Variants in ZC3H4 observed in about 807,000 individuals in gnomAD.
The protein encoded by ZC3H4 is zinc finger CCCH-type containing 4.
ZC3H4 carries 13 observed loss-of-function variants against 108.3 expected under a neutral mutation model. The ratio of observed to expected loss-of-function variants is 0.12; its 90% confidence interval spans 0.08 to 0.19. The LOEUF is 0.19. Ranked by LOEUF, ZC3H4 falls within the 10% of genes least tolerant of loss-of-function variation. The pLI, the probability that ZC3H4 is intolerant of heterozygous loss-of-function variation, is 1.00. For missense variants in ZC3H4, 1,734 were observed against 1,838.8 expected (o/e 0.94, Z 1.04); for synonymous variants, 917 against 749.6 (o/e 1.22, Z -3.65).
At position 47,091,975 on chromosome 19, in the gene ZC3H4, G is replaced by A. The variant is rs899686361; in HGVS notation, c.493-1786C>T. Among the ~76,000 whole-genome samples the A allele has an allele frequency of 7.2e-5, 11 of 151,968 alleles. No individual in the cohort carries two copies. In the East Asian group the frequency reaches 7.8e-4, roughly 11 times the overall value. ...TGCAATCCCCGCACTTTGGGAGGCCGAGGTGGGCAGATCATTTGACCCCAG... is the reference window on the plus strand; with the variant it reads ...TGCAATCCCCGCACTTTGGGAGGCCAAGGTGGGCAGATCATTTGACCCCAG... On this transcript the variant is annotated intron_variant, in intron 4 of 14. Coordinates refer to ENST00000253048, the MANE Select transcript of ZC3H4 (RefSeq NM_015168.2).
chr19:47,091,872 G>A (rs1313977635), intron 4 of ZC3H4, among the ~76,000 whole-genome samples: 1 of 151,766 alleles, frequency 6.6e-6, no homozygotes, highest in East Asian at 1.9e-4. Context: ...CAGCTTGGGC[G>A]ACAGAGCGAG....
At chr19:47,089,556 G>C (rs2057694414) in intron 5 of ZC3H4, among the ~76,000 whole-genome samples, 2 of 152,194 alleles carry the variant, frequency 1.3e-5, no homozygotes, top group African/African-American at 4.8e-5. Context: ...AAAGGACACA[G>C]GTTCAAGGTT....
chr19:47,089,919 C>G (rs1228474215), intron 5 of ZC3H4, 48 bp downstream of exon 5: 2 of 1,604,878 alleles, frequency 1.2e-6, no homozygotes, highest in Non-Finnish European at 1.7e-6. Flanking sequence ...GGGGTTGGCC[C>G]GGGTGGCTCC....
intron 5 of ZC3H4, among the ~76,000 whole-genome samples, chr19:47,087,267 C>G (rs2057645696): frequency 6.7e-6 from 1 of 149,820 alleles, no homozygotes; most frequent in South Asian, 2.1e-4. Flanking sequence ...CAGAGTGAGA[C>G]CCCGTCTCTC....
chr19:47,096,791 GTTGC>G (rs987320133), intron 2 of ZC3H4: 2 of 985,254 alleles, frequency 2.0e-6, no homozygotes, highest in African/African-American at 3.5e-5. Flanking sequence ...TCTGTGCCAG[GTTGC>G]TTGACTACCT....
At position 47,064,296 on chromosome 19, in the gene ZC3H4, G is replaced by A. The variant is rs2057167814; in HGVS notation, c.*2060C>T. 1 of 152,550 alleles carries A rather than the reference G, an allele frequency of 6.6e-6. No homozygotes were observed. Among genetic ancestry groups the A allele is most frequent in the Non-Finnish European group, 1.5e-5 (1 of 68,030 alleles). The allele number at this position is 152,550 out of a possible 1,614,324, so 9.4% of individuals were successfully genotyped here. A position where few individuals can be genotyped will look rare whatever the true frequency, so the allele number is the denominator to read the frequency against. ...GAAGACAGATATGGAGTATAAAAAG[G>A]GTGTGAAATAGTCATGCGGCGATCA... On this transcript the variant is annotated 3_prime_UTR_variant, in exon 15 of 15. Transcript: ENST00000253048.
intron 2 of ZC3H4, among the ~76,000 whole-genome samples, chr19:47,107,298 A>G (rs1159959570): frequency 6.6e-6 from 1 of 152,206 alleles, no homozygotes; most frequent in African/African-American, 2.4e-5. Flanking sequence ...TCTAGTAGGG[A>G]AAGCAGGAAG....
rs1475963374 is a variant in ZC3H4, at chr19:47,082,066, G to GA, written c.1330+117dup. 4 of 887,136 alleles carry GA rather than the reference G, an allele frequency of 4.5e-6. No individual in the cohort carries two copies. In the African/African-American group the frequency reaches 6.6e-5, roughly 15 times the overall value. The allele number at this position is 887,136 out of a possible 1,614,324, so 55.0% of individuals were successfully genotyped here. Reference sequence around the variant, plus strand: ...GTGTTAAATGAGATGGAGACTCACAGAAAGCTCTTGGCACAGAGAGAAAGC... The same window carrying GA: ...GTGTTAAATGAGATGGAGACTCACAGAAAAGCTCTTGGCACAGAGAGAAAGC... On this transcript the variant is annotated intron_variant, in intron 10 of 14. Coordinates refer to ENST00000253048, the MANE Select transcript of ZC3H4 (RefSeq NM_015168.2).
intron 2 of ZC3H4, chr19:47,112,039 C>A: frequency 1.2e-6 from 1 of 834,776 alleles, no homozygotes; most frequent in Non-Finnish European, 1.4e-6. Flanking sequence ...CTGCCAGCTC[C>A]GGGCGCAGGG....
At chr19:47,071,003 C>T (rs989095469) in intron 13 of ZC3H4, among the ~76,000 whole-genome samples, 2 of 152,228 alleles carry the variant, frequency 1.3e-5, no homozygotes, top group South Asian at 4.1e-4. Flanking sequence ...CGCCCCCACC[C>T]GCTGCCCTCG....
Position 47,072,636 on chromosome 19 carries a change from G to A in ZC3H4, c.1518C>T (p.Pro506=). Residue 506 remains proline, a synonymous_variant, in exon 12 of 15, where the codon CCC becomes CCT. Coordinates refer to ENST00000253048, the MANE Select transcript of ZC3H4 (RefSeq NM_015168.2). This position sits in a 1 kb window ranked among gnomAD's most constrained non-coding sequence, Gnocchi z 5.6. ...VEELKKQGIN[P]LPKPPPGVGL... ...CCACACCAGGGGGCGGTTTGGGCAG[G>A]GGGTTGATGCCCTGCTTCTTCAGTT... The A allele has an allele frequency of 6.2e-7, 1 of 1,612,990 alleles. No individual in the cohort carries two copies. Among genetic ancestry groups the A allele is most frequent in the South Asian group, 1.1e-5 (1 of 91,040 alleles).
rs1359024063 is a variant in ZC3H4, at chr19:47,112,644, G to C, written c.-5-55C>G. The C allele has an allele frequency of 2.5e-6, 3 of 1,191,790 alleles. No individual in the cohort carries two copies. In the East Asian group the frequency reaches 9.5e-5, roughly 38 times the overall value. 73.8% of individuals were successfully genotyped at this position (1,191,790 alleles called of 1,614,324 possible). On this transcript the variant is annotated intron_variant, in intron 1 of 14. Coordinates refer to ENST00000253048, the MANE Select transcript of ZC3H4 (RefSeq NM_015168.2). ...AAAAAGGACTGCTTGGGCGTGGCGGGAGGGGCACACTTAAGCTCGGAGGGC... is the reference window on the plus strand; with the variant it reads ...AAAAAGGACTGCTTGGGCGTGGCGGCAGGGGCACACTTAAGCTCGGAGGGC...
At chr19:47,096,977 C>A in intron 2 of ZC3H4, 1 of 985,386 alleles carries the variant, frequency 1.0e-6, no homozygotes. Flanking sequence ...CCTTCCCTGT[C>A]CTGATGCCAC....
intron 2 of ZC3H4, among the ~76,000 whole-genome samples, chr19:47,108,798 A>G (rs2057999325): frequency 6.6e-6 from 1 of 152,236 alleles, no homozygotes; most frequent in Non-Finnish European, 1.5e-5. Context: ...AGAGCAGAGC[A>G]AAATTGTACC....
chr19:47,067,862 G>T lies in ZC3H4; in HGVS notation c.2406C>A (p.Thr802=). The T allele has an allele frequency of 6.3e-7, 1 of 1,589,496 alleles. No homozygotes were observed. Among genetic ancestry groups the T allele is most frequent in the South Asian group, 1.1e-5 (1 of 87,856 alleles). The change falls in exon 15 of 15, where the codon ACC becomes ACA. Residue 802 remains threonine, a synonymous_variant. Coordinates refer to ENST00000253048, the MANE Select transcript of ZC3H4 (RefSeq NM_015168.2). This position sits in a 1 kb window ranked among gnomAD's most constrained non-coding sequence, Gnocchi z 6.4. The part of the protein sequence containing the change: ...KQDRENEEGD[T]GNWYSSDEDE... ...CCTCATCACTTGAGTACCAGTTTCC[G>T]GTGTCACCTGGGAAAGAACAGAGGA...
At chr19:47,091,172 T>A (rs1158081703) in intron 4 of ZC3H4, among the ~76,000 whole-genome samples, 2 of 152,110 alleles carry the variant, frequency 1.3e-5, no homozygotes, top group African/African-American at 4.8e-5. Flanking sequence ...CTTGAGAGGC[T>A]GAGGCAGGAG....
chr19:47,087,339 T>C (rs561057211), intron 5 of ZC3H4, among the ~76,000 whole-genome samples: 170 of 152,248 alleles, frequency 1.1e-3, no homozygotes, highest in Non-Finnish European at 1.1e-3. Context: ...ATATCTCATT[T>C]GTCTAATTTG....
At chr19:47,087,385 T>C (rs2057649945) in intron 5 of ZC3H4, among the ~76,000 whole-genome samples, 1 of 151,958 alleles carries the variant, frequency 6.6e-6, no homozygotes, top group South Asian at 2.1e-4. Flanking sequence ...ACATATTAGG[T>C]TGAAAACAGA....
intron 11 of ZC3H4, among the ~76,000 whole-genome samples, chr19:47,079,076 C>A (rs924388891): frequency 3.4e-5 from 5 of 148,238 alleles, no homozygotes; most frequent in Admixed American, 6.7e-5. Flanking sequence ...GTTGCCCAGG[C>A]TGGAGTGCAA....
Sources: allele counts gnomAD v4.1 joint callset (sites outside exome capture counted in the v4.1 genomes callset), GRCh38; gene constraint gnomAD v4.1.1; non-coding constraint Gnocchi (gnomAD v3.1); transcripts MANE v1.5; gene names NCBI Gene and HGNC (gene_info 2026-07-23, HGNC 2026-07-21).